STXBP5L: variants seen among roughly 807,000 people sequenced by gnomAD.
STXBP5L encodes syntaxin-binding protein 5-like.
In STXBP5L, 65 loss-of-function variants were observed where a neutral mutation model predicts 144.5. The observed-to-expected ratio is 0.45, with a 90% confidence interval of 0.37 to 0.55. The LOEUF is 0.55. Among genes scored for constraint, STXBP5L ranks in the 20% least tolerant of loss-of-function variants. The probability of loss-of-function intolerance (pLI) is 0.00; values close to 1 mark genes in which losing one functional copy is unlikely to be tolerated. For missense variants in STXBP5L, 1,298 were observed against 1,405.5 expected, an observed-to-expected ratio of 0.92 and a Z score of 1.22; for synonymous variants, 505 against 469.6, an observed-to-expected ratio of 1.08 and a Z score of -0.97.
chr3:121,338,636 AAGAG>A (rs1475981446), intron 20 of STXBP5L, among the ~76,000 whole-genome samples: 1 of 150,324 alleles, frequency 6.7e-6, no homozygotes, highest in Non-Finnish European at 1.5e-5. Flanking sequence ...GAAAGAAAGA[AAGAG>A]AAAGAGAGAA....
intron 3 of STXBP5L, among the ~76,000 whole-genome samples, chr3:121,022,426 T>G (rs1020194630): frequency 6.6e-6 from 1 of 152,088 alleles, no homozygotes; most frequent in African/African-American, 2.4e-5. Flanking sequence ...AATCAAATCC[T>G]AATATCAAAA....
chr3:121,157,455 C>G, intron 8 of STXBP5L, 49 bp from the exon 9 acceptor site: 2 of 1,515,196 alleles, frequency 1.3e-6, no homozygotes, highest in Non-Finnish European at 1.8e-6. Flanking sequence ...AATGATATAA[C>G]CTATCTACTT....
At chr3:121,205,303 C>T (rs2048295503) in intron 9 of STXBP5L, among the ~76,000 whole-genome samples, 1 of 152,162 alleles carries the variant, frequency 6.6e-6, no homozygotes, top group Non-Finnish European at 1.5e-5. Context: ...TGTGTTATAA[C>T]ATGGTGGAAG....
chr3:121,364,689 G>T (rs926835325), intron 20 of STXBP5L, among the ~76,000 whole-genome samples: 2 of 151,736 alleles, frequency 1.3e-5, no homozygotes, highest in Admixed American at 6.6e-5. Context: ...TAATTCTTAA[G>T]TATTTTATTC....
intron 5 of STXBP5L, among the ~76,000 whole-genome samples, chr3:121,090,113 A>G (rs931815365): frequency 6.6e-6 from 1 of 152,140 alleles, no homozygotes; most frequent in East Asian, 1.9e-4. Flanking sequence ...ATTTCCTATT[A>G]TAATAAGTGA....
intron 22 of STXBP5L, among the ~76,000 whole-genome samples, chr3:121,383,107 C>A (rs1354634489): frequency 6.6e-6 from 1 of 151,906 alleles, no homozygotes; most frequent in Non-Finnish European, 1.5e-5. Flanking sequence ...CATAGTGAGA[C>A]CCCATCACTA....
At chr3:121,373,401 A>G (rs2046089395) in intron 20 of STXBP5L, among the ~76,000 whole-genome samples, 1 of 152,194 alleles carries the variant, frequency 6.6e-6, no homozygotes. Flanking sequence ...TGTTTCAGGG[A>G]GGGAATTCGT....
chr3:121,079,011 C>T (rs1041512167), intron 5 of STXBP5L, among the ~76,000 whole-genome samples: 16 of 152,238 alleles, frequency 1.1e-4, no homozygotes, highest in African/African-American at 3.6e-4. Flanking sequence ...CACAGTGCAG[C>T]GGTGGGCTGA....
At chr3:120,960,955 T>A (rs1470278197) in intron 3 of STXBP5L, among the ~76,000 whole-genome samples, 1 of 152,208 alleles carries the variant, frequency 6.6e-6, no homozygotes, top group Non-Finnish European at 1.5e-5. Context: ...TCTTGGGATT[T>A]TCTTTGGTGA....
chr3:120,965,983 TC>T (rs1339547174), intron 3 of STXBP5L, among the ~76,000 whole-genome samples: 1 of 152,178 alleles, frequency 6.6e-6, no homozygotes, highest in East Asian at 1.9e-4. Flanking sequence ...TTCTTTTCAC[TC>T]TTTTTTTTCT....
chr3:120,973,670 TCTC>T (rs1266335238), intron 3 of STXBP5L, among the ~76,000 whole-genome samples: 1 of 152,022 alleles, frequency 6.6e-6, no homozygotes, highest in African/African-American at 2.4e-5. Flanking sequence ...ATTAGGTAAA[TCTC>T]CTAATGCTAT....
intron 19 of STXBP5L, among the ~76,000 whole-genome samples, chr3:121,301,865 T>C (rs1438108055): frequency 6.6e-6 from 1 of 152,234 alleles, no homozygotes; most frequent in East Asian, 1.9e-4. Context: ...TTTGCGTATG[T>C]TGAACCAGCC....
In STXBP5L at chr3:121,032,173, G is replaced by T. The variant is rs569535829; in HGVS notation, c.288-9527G>T. ...AGTGAGTAAGGTATGAAAAGAAGTAGGTCTAGAAAAGAATGTAGGAAAATA... is the reference window on the plus strand; with the variant it reads ...AGTGAGTAAGGTATGAAAAGAAGTATGTCTAGAAAAGAATGTAGGAAAATA... On this transcript the variant is annotated intron_variant, in intron 3 of 26. Transcript: ENST00000471454. Among the ~76,000 whole-genome samples the T allele has an allele frequency of 3.1e-3, 463 of 151,734 alleles. 5 individuals carry two copies. The highest frequency in any genetic ancestry group is 0.011 in the African/African-American group (446 of 41,338).
intron 9 of STXBP5L, among the ~76,000 whole-genome samples, chr3:121,172,026 C>T (rs1005454203): frequency 4.6e-5 from 7 of 152,092 alleles, no homozygotes; most frequent in African/African-American, 1.7e-4. Flanking sequence ...GGAACAGAAC[C>T]AAGGCCTCAG....
intron 9 of STXBP5L, among the ~76,000 whole-genome samples, chr3:121,194,166 A>T (rs986891804): frequency 3.3e-5 from 5 of 152,108 alleles, no homozygotes; most frequent in African/African-American, 7.2e-5. Flanking sequence ...GAAACCACGT[A>T]CCTATTACCA....
chr3:121,192,662 A>G (rs139860464), intron 9 of STXBP5L, among the ~76,000 whole-genome samples: 2,300 of 152,290 alleles, frequency 0.015, 33 homozygotes, highest in Non-Finnish European at 0.023. Flanking sequence ...CTCAGAAATA[A>G]CACCACACAT....
At chr3:121,200,215 G>T (rs567592903) in intron 9 of STXBP5L, among the ~76,000 whole-genome samples, 51 of 152,230 alleles carry the variant, frequency 3.4e-4, no homozygotes, top group Non-Finnish European at 5.4e-4. Context: ...TCTTGGGAGG[G>T]TGTATGTGTC....
chr3:121,082,318 C>T (rs960447197), intron 5 of STXBP5L, among the ~76,000 whole-genome samples: 4 of 151,756 alleles, frequency 2.6e-5, no homozygotes, highest in African/African-American at 9.7e-5. Context: ...GCATACAAAT[C>T]ATGTACATGT....
At chr3:120,987,148 C>A (rs527843545) in intron 3 of STXBP5L, among the ~76,000 whole-genome samples, 6 of 151,926 alleles carry the variant, frequency 3.9e-5, no homozygotes, top group African/African-American at 1.4e-4. Flanking sequence ...TTTAAAAAGT[C>A]AAGCAAAGAA....
Sources: allele counts gnomAD v4.1 joint callset (sites outside exome capture counted in the v4.1 genomes callset), GRCh38; gene constraint gnomAD v4.1.1; transcripts MANE v1.5; gene names NCBI Gene and HGNC (gene_info 2026-07-23, HGNC 2026-07-21).